The following VSTM2B variants were observed in gnomAD, a reference collection of about 807,000 sequenced individuals.
The protein encoded by VSTM2B is V-set and transmembrane domain-containing protein 2B.
VSTM2B carries 24 observed loss-of-function variants against 24.0 expected under a neutral mutation model. That is an observed-to-expected ratio of 1.00 (90% CI 0.72 to 1.40). VSTM2B has a LOEUF of 1.40. VSTM2B is among the 40% of genes most tolerant of loss of function. The probability of loss-of-function intolerance (pLI) is 0.00; values close to 1 mark genes in which losing one functional copy is unlikely to be tolerated. For synonymous variants in VSTM2B, 226 were observed against 194.4 expected (o/e 1.16, Z -1.35); for missense variants, 399 against 416.4 (o/e 0.96, Z 0.36).
intron 4 of VSTM2B, among the ~76,000 whole-genome samples, chr19:29,544,322 C>T (rs58626415): frequency 0.058 from 8,691 of 150,974 alleles, 305 homozygotes; most frequent in Middle Eastern, 0.1. Context: ...GTCAGGAGAT[C>T]GAGACCATCC....
In VSTM2B at chr19:29,530,214, C is replaced by G. The variant is rs529454644; in HGVS notation, c.693C>G (p.Val231=). 2.8e-3 allele frequency: 4,180 copies of G among 1,503,388 alleles called. 12 individuals carry two copies. The highest frequency in any genetic ancestry group is 3.6e-3 in the Non-Finnish European group (4,026 of 1,133,132). The allele number at this position is 1,503,388 out of a possible 1,614,324, so 93.1% of individuals were successfully genotyped here. A position where few individuals can be genotyped will look rare whatever the true frequency, so the allele number is the denominator to read the frequency against. ...CGGCCCACACGCCCACCACCACAGT[C>G]GCGGCAGCTGCTGCTGCCTCGTCAG... is the stretch of plus-strand genomic sequence containing the variant. ...ASAAHTPTTT[V]AAAAAASSAS... Residue 231 remains valine, a synonymous_variant, in exon 4 of 5, where the codon GTC becomes GTG. Coordinates refer to ENST00000335523, the MANE Select transcript of VSTM2B (RefSeq NM_001146339.2).
chr19:29,544,939 T>C (rs1970115560), intron 4 of VSTM2B, among the ~76,000 whole-genome samples: 1 of 152,170 alleles, frequency 6.6e-6, no homozygotes, highest in Admixed American at 6.5e-5. Context: ...TGAGGACATA[T>C]GCAGCTGAGA....
rs1012148674 is a variant in VSTM2B, at chr19:29,526,463, C to A, written c.-121C>A. 2 of 514,306 alleles carry A rather than the reference C, an allele frequency of 3.9e-6. No individual in the cohort carries two copies. The highest frequency in any genetic ancestry group is 5.1e-5 in the East Asian group (1 of 19,714). 31.9% of individuals were successfully genotyped at this position (514,306 alleles called of 1,614,324 possible). On this transcript the variant is annotated 5_prime_UTR_variant, in exon 1 of 5. Coordinates refer to ENST00000335523, the MANE Select transcript of VSTM2B (RefSeq NM_001146339.2). This position sits in a 1 kb window ranked among gnomAD's most constrained non-coding sequence, Gnocchi z 4.1. ...GGCCGCCGGCGGCCAGGGGAGGGGG[C>A]GCCGCGCGGGGCCATGGCAGGCTCG...
At chr19:29,562,810 G>A (rs996611053) in intron 4 of VSTM2B, among the ~76,000 whole-genome samples, 2 of 152,184 alleles carry the variant, frequency 1.3e-5, no homozygotes, top group Admixed American at 6.5e-5. Context: ...CCGACGGGGA[G>A]CCAGGCGGGG....
chr19:29,529,756 G>A, intron 3 of VSTM2B, 63 bp from the exon 4 acceptor site: 1 of 1,482,342 alleles, frequency 6.7e-7, no homozygotes, highest in South Asian at 1.3e-5. Context: ...GCGACGGCCA[G>A]GGTGGCCAGA....
chr19:29,550,241 C>G (rs771098030), intron 4 of VSTM2B, among the ~76,000 whole-genome samples: 8 of 152,160 alleles, frequency 5.3e-5, no homozygotes, highest in Non-Finnish European at 1.0e-4. Context: ...GAAGAGTAGC[C>G]TGGGCAACAT....
intron 4 of VSTM2B, among the ~76,000 whole-genome samples, chr19:29,533,323 G>C (rs1969804141): frequency 6.6e-6 from 1 of 152,328 alleles, no homozygotes; most frequent in Admixed American, 6.5e-5. Context: ...CTGGATCCCA[G>C]CGGGGCTGAC....
rs997804582 is a variant in VSTM2B, at chr19:29,530,284, G to C, written c.763G>C (p.Gly255Arg). The C allele has an allele frequency of 6.7e-7, 1 of 1,494,428 alleles. No homozygotes were observed. The highest frequency in any genetic ancestry group is 8.9e-7 in the Non-Finnish European group (1 of 1,128,628). 92.6% of individuals were successfully genotyped at this position (1,494,428 alleles called of 1,614,324 possible). A position where few individuals can be genotyped will look rare whatever the true frequency, so the allele number is the denominator to read the frequency against. ...GGCGGTCCTGCTGCGCCAGAGGCACGGCTCGGGTAAGGGATCGCGGAGAGG... is the reference window on the plus strand; with the variant it reads ...GGCGGTCCTGCTGCGCCAGAGGCACCGCTCGGGTAAGGGATCGCGGAGAGG... ...GQAVLLRQRH[G>R]SGTGRSYTTD... The change falls in exon 4 of 5, where the codon GGC (glycine) becomes CGC (arginine). Residue 255 changes from glycine to arginine, a missense_variant. By Grantham distance (125) the Gly-to-Arg change is moderately radical. Transcript: ENST00000335523.
chr19:29,554,390 G>A (rs1970360263), intron 4 of VSTM2B, among the ~76,000 whole-genome samples: 1 of 152,146 alleles, frequency 6.6e-6, no homozygotes. Context: ...ATCACCACTA[G>A]GCCTGCCTTG....
chr19:29,526,599 C>T lies in VSTM2B; in HGVS notation c.16C>T (p.Arg6Trp), dbSNP rs1170440590. Reference sequence around the variant, plus strand: ...CCCGCGGGAGATGGAACAGCGGAACCGGCTCGGTGCCCTCGGATACCTGCC... The same window carrying T: ...CCCGCGGGAGATGGAACAGCGGAACTGGCTCGGTGCCCTCGGATACCTGCC... MEQRN[R>W]LGALGYLPPL... The change falls in exon 1 of 5, where the codon CGG (arginine) becomes TGG (tryptophan). Residue 6 changes from arginine to tryptophan, a missense_variant. Transcript: ENST00000335523. The surrounding 1 kb of genome is among the most constrained non-coding windows in gnomAD (Gnocchi z 4.1). 3 of 1,526,056 alleles carry T rather than the reference C, an allele frequency of 2.0e-6. No individual in the cohort carries two copies. The highest frequency in any genetic ancestry group is 1.8e-4 in the Middle Eastern group (1 of 5,432). 94.5% of individuals were successfully genotyped at this position (1,526,056 alleles called of 1,614,324 possible).
In VSTM2B at chr19:29,528,471, G is replaced by A; in HGVS notation, c.297+9G>A. 1 of 1,550,834 alleles carries A rather than the reference G, an allele frequency of 6.4e-7. No individual in the cohort carries two copies. Among genetic ancestry groups the A allele is most frequent in the Non-Finnish European group, 8.7e-7 (1 of 1,146,942 alleles). On this transcript the variant is annotated intron_variant, in intron 3 of 4. Coordinates refer to ENST00000335523, the MANE Select transcript of VSTM2B (RefSeq NM_001146339.2). ...ATGCAACTAAAATCAGCGTAAGTGT[G>A]GAGCCCAGCGCGGGCCGCGGGAGAC...
At chr19:29,527,895 CCTGT>C (rs2145456342) in intron 2 of VSTM2B, among the ~76,000 whole-genome samples, 2 of 152,312 alleles carry the variant, frequency 1.3e-5, no homozygotes, top group East Asian at 3.9e-4. Flanking sequence ...GCCCACGCTG[CCTGT>C]CTGCCTCAAA....
Position 29,526,203 on chromosome 19 carries a change from C to G in VSTM2B, c.-381C>G, listed in dbSNP as rs1419119514. Among the ~76,000 whole-genome samples the G allele has an allele frequency of 6.6e-6, 1 of 152,042 alleles. No individual in the cohort carries two copies. The highest frequency in any genetic ancestry group is 2.4e-5 in the African/African-American group (1 of 41,424). ...ACAGGGAGGCAGAAGCTCGCGGCTCCGTGGCACGCACTCCCTCGGCCAGGG... is the reference window on the plus strand; with the variant it reads ...ACAGGGAGGCAGAAGCTCGCGGCTCGGTGGCACGCACTCCCTCGGCCAGGG... On this transcript the variant is annotated 5_prime_UTR_variant, in exon 1 of 5. Coordinates refer to ENST00000335523, the MANE Select transcript of VSTM2B (RefSeq NM_001146339.2). The surrounding 1 kb of genome is among the most constrained non-coding windows in gnomAD (Gnocchi z 4.1).
At chr19:29,547,615 T>C (rs1225516166) in intron 4 of VSTM2B, among the ~76,000 whole-genome samples, 1 of 152,102 alleles carries the variant, frequency 6.6e-6, no homozygotes, top group Non-Finnish European at 1.5e-5. Context: ...CTCTGACGCA[T>C]GGGCTTCCTC....
At position 29,535,148 on chromosome 19, in the gene VSTM2B, G is replaced by A. The variant is rs571782312; in HGVS notation, c.769+4858G>A. Among the ~76,000 whole-genome samples, 35 of 152,306 alleles carry A rather than the reference G, an allele frequency of 2.3e-4. 1 individual carries two copies. The South Asian group carries it at 6.0e-3, about 26-fold the overall frequency. ...GAGCAGGCGCAGGAGGCTGGGCCCC[G>A]TCTTAGCTGTGTTCATAAATCTGGC... On this transcript the variant is annotated intron_variant, in intron 4 of 4. Transcript: ENST00000335523.
intron 4 of VSTM2B, among the ~76,000 whole-genome samples, chr19:29,544,648 A>T (rs2145490513): frequency 6.6e-6 from 1 of 152,132 alleles, no homozygotes; most frequent in East Asian, 1.9e-4. Flanking sequence ...TCTTGAGAAA[A>T]AGTTAGACAA....
At position 29,526,929 on chromosome 19, in the gene VSTM2B, G is replaced by A. The variant is rs1266617075; in HGVS notation, c.82+264G>A. On this transcript the variant is annotated intron_variant, in intron 1 of 4. Coordinates refer to ENST00000335523, the MANE Select transcript of VSTM2B (RefSeq NM_001146339.2). This position sits in a 1 kb window ranked among gnomAD's most constrained non-coding sequence, Gnocchi z 4.1. ...GGGGAGCGGGAGTAGGCGCGCCCCAGCCAGGCTCTGGCGGTGCGGCCAGGG... is the reference window on the plus strand; with the variant it reads ...GGGGAGCGGGAGTAGGCGCGCCCCAACCAGGCTCTGGCGGTGCGGCCAGGG... 1 of 415,476 alleles carries A rather than the reference G, an allele frequency of 2.4e-6. No homozygotes were observed. The highest frequency in any genetic ancestry group is 4.4e-5 in the Admixed American group (1 of 22,642). 25.7% of individuals were successfully genotyped at this position (415,476 alleles called of 1,614,324 possible).
chr19:29,558,941 T>A (rs1970472372), intron 4 of VSTM2B, among the ~76,000 whole-genome samples: 1 of 152,130 alleles, frequency 6.6e-6, no homozygotes, highest in Non-Finnish European at 1.5e-5. Context: ...AGAATGGCAA[T>A]CATTAAAAAG....
intron 4 of VSTM2B, 141 bp from the exon 5 acceptor site, chr19:29,563,705 G>A: frequency 1.5e-6 from 1 of 655,416 alleles, no homozygotes; most frequent in South Asian, 1.9e-5. Context: ...AACCAAGGCA[G>A]CCACTATGCA....
Sources: gnomAD v4.1 joint callset for allele counts (sites outside exome capture counted in the v4.1 genomes callset) on GRCh38, gnomAD v4.1.1 for gene constraint, Gnocchi (gnomAD v3.1) non-coding constraint, MANE v1.5 for transcripts, NCBI Gene and HGNC (gene_info 2026-07-23, HGNC 2026-07-21) for gene names.